Variants in SERPINA10 observed in about 807,000 individuals in gnomAD.
SERPINA10 encodes serpin family A member 10.
In SERPINA10, 24 loss-of-function variants were observed where a neutral mutation model predicts 28.0. The ratio of observed to expected loss-of-function variants is 0.86; its 90% CI spans 0.62 to 1.20. The LOEUF is 1.20. Ranked by LOEUF, SERPINA10 falls within the 50% of genes most tolerant of loss-of-function variation. The pLI is 0.00. For synonymous variants in SERPINA10, 207 were observed against 203.9 expected (o/e 1.02, Z -0.13); for missense variants, 521 against 537.7 (o/e 0.97, Z 0.31).
Position 94,290,113 on chromosome 14 carries a change from T to C in SERPINA10, c.481A>G (p.Thr161Ala), listed in dbSNP as rs2232700. Residue 161 changes from threonine (T) to alanine (A), a missense_variant, in exon 2 of 5, where the codon ACA (threonine) becomes GCA (alanine). Physicochemically the swap from Thr to Ala is moderately conservative, Grantham distance 58 (BLOSUM62 0). Transcript: ENST00000261994. ...TGGATGAAGGCAAAACTCCCCTGTG[T>C]GAGGCCCAGTTCCAGGTTGCGGGAG... ...TLSRNLELGL[T>A]QGSFAFIHKD... 6.2e-7 allele frequency: 1 copy of C among 1,614,036 alleles called. No homozygotes were observed. The highest frequency in any genetic ancestry group is 8.5e-7 in the Non-Finnish European group (1 of 1,179,996).
chr14:94,284,689 A>T (rs932196091), intron 4 of SERPINA10, among the ~76,000 whole-genome samples: 1 of 152,184 alleles, frequency 6.6e-6, no homozygotes, highest in Non-Finnish European at 1.5e-5. Context: ...CTGGCTGCCT[A>T]TACTGTGGCT....
At position 94,288,420 on chromosome 14, in the gene SERPINA10, A is replaced by G. The variant is rs1895077714; in HGVS notation, c.858T>C (p.His286=). Reference sequence around the variant, plus strand: ...TTCCTTGGTAGGGCAGTTTGAGGACATGACAACGAAAATTCTTGTCAAAGG... The same window carrying G: ...TTCCTTGGTAGGGCAGTTTGAGGACGTGACAACGAAAATTCTTGTCAAAGG... ...ASTFDKNFRC[H]VLKLPYQGNA... is the part of the protein sequence containing the mutation. The change falls in exon 3 of 5, where the codon CAT becomes CAC. Residue 286 remains histidine (H), a synonymous_variant. Coordinates refer to ENST00000261994, the MANE Select transcript of SERPINA10 (RefSeq NM_001100607.3). The G allele has an allele frequency of 1.2e-6, 2 of 1,614,136 alleles. No individual in the cohort carries two copies. The highest frequency in any genetic ancestry group is 1.6e-4 in the Middle Eastern group (1 of 6,062).
chr14:94,292,294 A>G (rs1384622415), intron 1 of SERPINA10, among the ~76,000 whole-genome samples: 1 of 152,056 alleles, frequency 6.6e-6, no homozygotes, highest in Non-Finnish European at 1.5e-5. Flanking sequence ...TCTCCATGGG[A>G]GGACACGGTG....
chr14:94,284,190 T>C (rs1368219097), intron 4 of SERPINA10, 34 bp from the exon 5 acceptor site: 4 of 1,583,858 alleles, frequency 2.5e-6, no homozygotes, highest in Non-Finnish European at 2.6e-6. Flanking sequence ...AAACCATTTG[T>C]GTGGCAGTGC....
intron 3 of SERPINA10, among the ~76,000 whole-genome samples, chr14:94,288,051 A>G (rs1360333262): frequency 6.6e-6 from 1 of 152,194 alleles, no homozygotes; most frequent in Non-Finnish European, 1.5e-5. Flanking sequence ...GGCATCATAT[A>G]TTTATCACAG....
rs1895026173 is a variant in SERPINA10 at position 94,286,401 on chromosome 14, AG to A, written c.993-144del. On this transcript the variant is annotated intron_variant, in intron 3 of 4. Coordinates refer to ENST00000261994, the MANE Select transcript of SERPINA10 (RefSeq NM_001100607.3). ...TATGTAGTTCATGCCATTCTTTTAC[AG>A]TGGTCTACTCAGGGAAAATATTTCT... 3 of 893,896 alleles carry A rather than the reference AG, an allele frequency of 3.4e-6. No homozygotes were observed. The South Asian group carries it at 4.2e-5, about 13-fold the overall frequency. The allele number at this position is 893,896 out of a possible 1,614,324, so 55.4% of individuals were successfully genotyped here.
In SERPINA10 at chr14:94,282,277, A is replaced by G. The variant is rs1395810145; in HGVS notation, c.*1688T>C. On this transcript the variant is annotated 3_prime_UTR_variant, in exon 5 of 5. Coordinates refer to ENST00000261994, the MANE Select transcript of SERPINA10 (RefSeq NM_001100607.3). Reference sequence around the variant, plus strand: ...AATTTTAGGTTTTTTTAAACATTAGATAGCAGACAGACAGAAATCCAATTA... The same window carrying G: ...AATTTTAGGTTTTTTTAAACATTAGGTAGCAGACAGACAGAAATCCAATTA... 1 of 152,120 alleles carries G rather than the reference A, an allele frequency of 6.6e-6. No homozygotes were observed. The highest frequency in any genetic ancestry group is 1.5e-5 in the Non-Finnish European group (1 of 68,008). 9.4% of individuals were successfully genotyped at this position (152,120 alleles called of 1,614,324 possible). A position where few individuals can be genotyped will look rare whatever the true frequency, so the allele number is the denominator to read the frequency against.
At position 94,290,222 on chromosome 14, in the gene SERPINA10, G is replaced by C. The variant is rs1236838992; in HGVS notation, c.372C>G (p.Ile124Met). Residue 124 changes from isoleucine to methionine, a missense_variant, in exon 2 of 5, where the codon ATC (isoleucine) becomes ATG (methionine). By Grantham distance (10) the Ile-to-Met change is conservative. Transcript: ENST00000261994. ...GGGCCTGCAAGTGGAGCCCTCTCTT[G>C]ATCTGGGTTTCAGTCGGCCCTGTGG... ...LGATGPTETQ[I>M]KRGLHLQALK... The C allele has an allele frequency of 6.2e-7, 1 of 1,613,900 alleles. No homozygotes were observed. The highest frequency in any genetic ancestry group is 8.5e-7 in the Non-Finnish European group (1 of 1,179,758).
rs1440956540 is a variant in SERPINA10 at position 94,290,175 on chromosome 14, A to G, written c.419T>C (p.Leu140Pro). The G allele has an allele frequency of 6.2e-7, 1 of 1,613,936 alleles. No individual in the cohort carries two copies. Among genetic ancestry groups the G allele is most frequent in the Non-Finnish European group, 8.5e-7 (1 of 1,179,926 alleles). ...LQALKPTKPG[L>P]LPSLFKGLRE... ...GAGTCCCTTAAAGAGGGAAGGCAGG[A>G]GCCCGGGCTTGGTGGGCTTCAGGGC... Residue 140 changes from leucine to proline, a missense_variant, in exon 2 of 5, where the codon CTC becomes CCC. Physicochemically the swap from Leu to Pro is moderately conservative, Grantham distance 98. Coordinates refer to ENST00000261994, the MANE Select transcript of SERPINA10 (RefSeq NM_001100607.3).
chr14:94,292,877 T>A lies in SERPINA10; in HGVS notation c.-51+312A>T. 4 of 546,138 alleles carry A rather than the reference T, an allele frequency of 7.3e-6. No individual in the cohort carries two copies. In the South Asian group the frequency reaches 9.8e-5, roughly 13 times the overall value. The allele number at this position is 546,138 out of a possible 1,614,324, so 33.8% of individuals were successfully genotyped here. On this transcript the variant is annotated intron_variant, in intron 1 of 4. Coordinates refer to ENST00000261994, the MANE Select transcript of SERPINA10 (RefSeq NM_001100607.3). ...CCCTGGGACAGCACACATCCCTGCC[T>A]CCCCTCAGCCCTGGGAAGGGGAGAC...
rs187187963 is a variant in SERPINA10, at chr14:94,282,582, C to T, written c.*1383G>A. The T allele has an allele frequency of 6.6e-6, 1 of 152,276 alleles. No individual in the cohort carries two copies. Among genetic ancestry groups the T allele is most frequent in the African/African-American group, 2.4e-5 (1 of 41,560 alleles). 9.4% of individuals were successfully genotyped at this position (152,276 alleles called of 1,614,324 possible). A position where few individuals can be genotyped will look rare whatever the true frequency, so the allele number is the denominator to read the frequency against. On this transcript the variant is annotated 3_prime_UTR_variant, in exon 5 of 5. Transcript: ENST00000261994. ...AGACTCAGGAAAGGTAGGCTTCTGA[C>T]TCTGCCATTGCCACACTGGAAGACC...
chr14:94,288,038 C>G (rs1281877506), intron 3 of SERPINA10, among the ~76,000 whole-genome samples: 1 of 152,114 alleles, frequency 6.6e-6, no homozygotes, highest in Admixed American at 6.5e-5. Flanking sequence ...CTGATGGATC[C>G]CTGGCATCAT....
Position 94,288,325 on chromosome 14 carries a change from G to A in SERPINA10, c.953C>T (p.Thr318Ile), listed in dbSNP as rs1203088116. 1 of 1,614,134 alleles carries A rather than the reference G, an allele frequency of 6.2e-7. No homozygotes were observed. The highest frequency in any genetic ancestry group is 8.5e-7 in the Non-Finnish European group (1 of 1,180,040). The change falls in exon 3 of 5, where the codon ACA becomes ATA. Residue 318 changes from threonine (T) to isoleucine (I), a missense_variant. Coordinates refer to ENST00000261994, the MANE Select transcript of SERPINA10 (RefSeq NM_001100607.3). ...DHLALEDYLT[T>I]DLVETWLRNM... ...TCTGAGCCATGTCTCCACCAAGTCT[G>A]TGGTCAGGTAGTCTTCAAGGGCGAG...
chr14:94,292,462 G>A (rs1895202541), intron 1 of SERPINA10: 2 of 615,292 alleles, frequency 3.3e-6, no homozygotes, highest in Non-Finnish European at 3.0e-6. Flanking sequence ...GAGCTAAAAC[G>A]ATTACGTGGC....
At position 94,288,538 on chromosome 14, in the gene SERPINA10, T is replaced by C. The variant is rs776357374; in HGVS notation, c.740A>G (p.Asp247Gly). 1.2e-6 allele frequency: 2 copies of C among 1,614,122 alleles called. No homozygotes were observed. Among genetic ancestry groups the C allele is most frequent in the South Asian group, 1.1e-5 (1 of 91,070 alleles). The change falls in exon 3 of 5, where the codon GAC becomes GGC. Residue 247 changes from aspartate (D) to glycine (G), a missense_variant. Coordinates refer to ENST00000261994, the MANE Select transcript of SERPINA10 (RefSeq NM_001100607.3). Reference sequence around the variant, plus strand: ...AGTGTCGACTTCGGTGAAGACAGGGTCAAATGGGGTCAACCATTTCCCTGA... The same window carrying C: ...AGTGTCGACTTCGGTGAAGACAGGGCCAAATGGGGTCAACCATTTCCCTGA... ...LFKGKWLTPF[D>G]PVFTEVDTFH...
rs1289590502 is a variant in SERPINA10, at chr14:94,280,720, C to T, written c.*3245G>A. On this transcript the variant is annotated 3_prime_UTR_variant, in exon 5 of 5. Transcript: ENST00000261994. Reference sequence around the variant, plus strand: ...ATCTTCATCATCATTTTGTTAATTACTAAAACTTGCATTTTTAAGAACAAG... The same window carrying T: ...ATCTTCATCATCATTTTGTTAATTATTAAAACTTGCATTTTTAAGAACAAG... 2 of 152,190 alleles carry T rather than the reference C, an allele frequency of 1.3e-5. No individual in the cohort carries two copies. Among genetic ancestry groups the T allele is most frequent in the Non-Finnish European group, 2.9e-5 (2 of 68,034 alleles). The allele number at this position is 152,190 out of a possible 1,614,324, so 9.4% of individuals were successfully genotyped here.
Position 94,288,518 on chromosome 14 carries a change from C to G in SERPINA10, c.760G>C (p.Asp254His). The change falls in exon 3 of 5, where the codon GAC becomes CAC. Residue 254 changes from aspartate to histidine, a missense_variant. Transcript: ENST00000261994. Reference protein sequence around the residue: ...TPFDPVFTEVDTFHLDKYKTI... With the variant: ...TPFDPVFTEVHTFHLDKYKTI... ...TTGTACTTGTCCAGGTGGAAAGTGT[C>G]GACTTCGGTGAAGACAGGGTCAAAT... 6.2e-7 allele frequency: 1 copy of G among 1,614,128 alleles called. No individual in the cohort carries two copies. Among genetic ancestry groups the G allele is most frequent in the Non-Finnish European group, 8.5e-7 (1 of 1,180,026 alleles).
At chr14:94,292,806 A>ACGGC in intron 1 of SERPINA10, 1 of 642,900 alleles carries the variant, frequency 1.6e-6, no homozygotes, top group South Asian at 1.7e-5. Flanking sequence ...CTTCCTAGAC[A>ACGGC]GAACCTGGGC....
chr14:94,284,298 A>G (rs1057142730), intron 4 of SERPINA10, 142 bp from the exon 5 acceptor site: 20 of 783,866 alleles, frequency 2.6e-5, no homozygotes, highest in African/African-American at 5.1e-5. Flanking sequence ...ATCTACGTTA[A>G]GAGGAGTGGT....
Sources: allele counts gnomAD v4.1 joint callset (sites outside exome capture counted in the v4.1 genomes callset), GRCh38; gene constraint gnomAD v4.1.1; transcripts MANE v1.5; gene names NCBI Gene and HGNC (gene_info 2026-07-23, HGNC 2026-07-21).